The following DIP2A variants were observed in gnomAD, a reference collection of about 807,000 sequenced individuals.
DIP2A encodes the protein DIP2 acetate--CoA ligase A.
A neutral mutation model predicts 177.4 loss-of-function variants in DIP2A; 85 were observed. The observed-to-expected ratio is 0.48, with a 90% CI of 0.40 to 0.57. The LOEUF (loss-of-function observed/expected upper bound fraction) is 0.57. DIP2A is among the 20% of genes least tolerant of loss of function. The pLI is 0.00. For missense variants in DIP2A, 1,791 were observed against 2,100.2 expected (o/e 0.85, Z 2.88); for synonymous variants, 886 against 881.8 (o/e 1.00, Z -0.08).
intron 2 of DIP2A, among the ~76,000 whole-genome samples, chr21:46,487,255 C>G (rs1356452697): frequency 1.3e-5 from 2 of 152,166 alleles, no homozygotes; most frequent in Non-Finnish European, 2.9e-5. Context: ...TCAACAACAA[C>G]AAGAAGATTG....
chr21:46,481,665 A>G (rs1187426905), intron 1 of DIP2A, among the ~76,000 whole-genome samples: 3 of 152,248 alleles, frequency 2.0e-5, no homozygotes, highest in Non-Finnish European at 4.4e-5. Context: ...ATAGGCATAT[A>G]GTGGTATCTC....
At chr21:46,538,795 C>A in intron 16 of DIP2A, 193 bp downstream of exon 16, 1 of 812,970 alleles carries the variant, frequency 1.2e-6, no homozygotes, top group South Asian at 1.9e-5. Flanking sequence ...TATTAGGCCA[C>A]TAAATTTAAA....
At chr21:46,561,490 A>G in intron 33 of DIP2A, 1 of 551,510 alleles carries the variant, frequency 1.8e-6, no homozygotes, top group Non-Finnish European at 3.3e-6. Context: ...GGGTTCAGGG[A>G]GGACCTAAAC....
At chr21:46,460,207 A>G (rs943747720) in intron 1 of DIP2A, among the ~76,000 whole-genome samples, 5 of 152,122 alleles carry the variant, frequency 3.3e-5, no homozygotes, top group Non-Finnish European at 7.4e-5. Flanking sequence ...AAAAAAAAAA[A>G]GTCGTATAAA....
chr21:46,473,301 A>G (rs947490938), intron 1 of DIP2A, among the ~76,000 whole-genome samples: 1 of 134,062 alleles, frequency 7.5e-6, no homozygotes, highest in Non-Finnish European at 1.7e-5. Flanking sequence ...CTGTCTCTAC[A>G]AAGAAAAAAA....
At chr21:46,473,661 G>T (rs991109124) in intron 1 of DIP2A, among the ~76,000 whole-genome samples, 1 of 152,020 alleles carries the variant, frequency 6.6e-6, no homozygotes, top group African/African-American at 2.4e-5. Context: ...GATTACAGGC[G>T]TGTGCCACCA....
chr21:46,578,793 C>T, the DIP2A span, among the ~76,000 whole-genome samples: 4 of 152,100 alleles, frequency 2.6e-5, no homozygotes, highest in Non-Finnish European at 4.4e-5. Context: ...GCCTTGCATC[C>T]CAGGGATGAG....
At chr21:46,485,524 C>T (rs889832582) in intron 2 of DIP2A, among the ~76,000 whole-genome samples, 3 of 152,070 alleles carry the variant, frequency 2.0e-5, no homozygotes, top group South Asian at 2.1e-4. Context: ...AGACAAAAAT[C>T]GGTTCCAGAT....
intron 35 of DIP2A, among the ~76,000 whole-genome samples, chr21:46,564,392 A>G (rs2060768240): frequency 6.6e-6 from 1 of 152,200 alleles, no homozygotes; most frequent in South Asian, 2.1e-4. Flanking sequence ...TGTCCTGAGG[A>G]CACAGTGGAG....
chr21:46,516,052 G>T (rs2058559569), intron 8 of DIP2A, among the ~76,000 whole-genome samples: 1 of 152,152 alleles, frequency 6.6e-6, no homozygotes, highest in Non-Finnish European at 1.5e-5. Context: ...GCAATGCAAA[G>T]ATATTGTTTA....
chr21:46,553,941 A>G, intron 25 of DIP2A: 1 of 394,570 alleles, frequency 2.5e-6, no homozygotes, highest in South Asian at 2.6e-5. Context: ...AGGCGGGCAG[A>G]TCACTTGAGG....
the DIP2A span, among the ~76,000 whole-genome samples, chr21:46,578,422 C>T: frequency 1.8e-4 from 27 of 152,254 alleles, no homozygotes; most frequent in Non-Finnish European, 3.2e-4. Flanking sequence ...GTTTGACTTC[C>T]TCTCTTCCTA....
intron 28 of DIP2A, 168 bp from the exon 29 acceptor site, chr21:46,555,814 C>T (rs1022805620): frequency 1.6e-6 from 1 of 639,266 alleles, no homozygotes; most frequent in Admixed American, 2.4e-5. Context: ...ATGAAATACG[C>T]TTTCCTGAGC....
Position 46,502,714 on chromosome 21 carries a change from C to T in DIP2A, c.656-1647C>T, listed in dbSNP as rs112315483. Among the ~76,000 whole-genome samples, 44 of 152,256 alleles carry T rather than the reference C, an allele frequency of 2.9e-4. 3 individuals are homozygous for T. The highest frequency in any genetic ancestry group is 1.0e-3 in the African/African-American group (43 of 41,554). ...CTGCCCGCCTTGACCTTCCAAATTG[C>T]TGGGATTACAGGTGTGAGCTACCAT... On this transcript the variant is annotated intron_variant, in intron 5 of 37. Transcript: ENST00000417564.
chr21:46,520,291 T>C (rs999072920), intron 8 of DIP2A, among the ~76,000 whole-genome samples: 1 of 152,194 alleles, frequency 6.6e-6, no homozygotes, highest in African/African-American at 2.4e-5. Context: ...AAACAAAGAA[T>C]CAGCAACAAT....
At chr21:46,521,895 A>C (rs2058839787) in intron 8 of DIP2A, among the ~76,000 whole-genome samples, 1 of 152,214 alleles carries the variant, frequency 6.6e-6, no homozygotes, top group African/African-American at 2.4e-5. Context: ...AAAAATCCAC[A>C]TTCCCATGAC....
intron 3 of DIP2A, among the ~76,000 whole-genome samples, chr21:46,493,062 A>G (rs905007348): frequency 3.3e-5 from 5 of 152,146 alleles, no homozygotes; most frequent in Admixed American, 3.3e-4. Flanking sequence ...ACCGGACACC[A>G]ACCATGAGGC....
chr21:46,554,346 C>G, intron 26 of DIP2A, 54 bp downstream of exon 26: 2 of 1,602,810 alleles, frequency 1.2e-6, no homozygotes. Flanking sequence ...AGCCTCCTAT[C>G]CTAAGCAGCC....
chr21:46,481,096 C>T (rs775725815), intron 1 of DIP2A, among the ~76,000 whole-genome samples: 2 of 152,154 alleles, frequency 1.3e-5, no homozygotes, highest in African/African-American at 4.8e-5. Context: ...AAAAGAACAG[C>T]ACCATCATCC....
Sources: gnomAD v4.1 joint callset for allele counts (sites outside exome capture counted in the v4.1 genomes callset) on GRCh38, gnomAD v4.1.1 for gene constraint, MANE v1.5 for transcripts, NCBI Gene and HGNC (gene_info 2026-07-23, HGNC 2026-07-21) for gene names.